ZNF804B: variants seen among roughly 807,000 people sequenced by gnomAD.
ZNF804B encodes the protein zinc finger protein 804B.
In ZNF804B, 80 loss-of-function variants were observed where a neutral mutation model predicts 101.4. The observed-to-expected ratio is 0.79, with a 90% CI of 0.66 to 0.95. ZNF804B has a LOEUF of 0.95. Among genes scored for constraint, ZNF804B ranks in the 40% least tolerant of loss-of-function variants. ZNF804B has a pLI of 0.00. For synonymous variants in ZNF804B, 622 were observed against 558.8 expected, an observed-to-expected ratio of 1.11 and a Z score of -1.59; for missense variants, 1,673 against 1,561.9, an observed-to-expected ratio of 1.07 and a Z score of -1.20.
intron 1 of ZNF804B, among the ~76,000 whole-genome samples, chr7:89,170,365 G>A (rs720142): frequency 0.17 from 26,065 of 152,118 alleles, 2,304 homozygotes; most frequent in Admixed American, 0.22. Flanking sequence ...CAGAAACTAC[G>A]GCCTTGTTCT....
intron 1 of ZNF804B, among the ~76,000 whole-genome samples, chr7:89,112,871 A>G (rs895760040): frequency 6.6e-6 from 1 of 152,226 alleles, no homozygotes; most frequent in Non-Finnish European, 1.5e-5. Flanking sequence ...TGAAGTGATG[A>G]TGATAAATTA....
intron 1 of ZNF804B, among the ~76,000 whole-genome samples, chr7:89,130,091 T>A (rs1790525451): frequency 6.6e-6 from 1 of 151,912 alleles, no homozygotes; most frequent in South Asian, 2.1e-4. Context: ...TATACAGAGA[T>A]TAGTGTCAAT....
intron 1 of ZNF804B, among the ~76,000 whole-genome samples, chr7:89,158,578 A>G (rs1236750790): frequency 1.4e-5 from 2 of 144,302 alleles, no homozygotes; most frequent in South Asian, 2.2e-4. Context: ...ACTGCCACCA[A>G]CTTAATGGAA....
At chr7:88,806,635 GTATGTGTGTGTA>G (rs1247900445) in intron 1 of ZNF804B, among the ~76,000 whole-genome samples, 1 of 151,256 alleles carries the variant, frequency 6.6e-6, no homozygotes, top group East Asian at 1.9e-4. Flanking sequence ...GTGTGTGTGT[GTATGTGTGTGTA>G]TGTGTGTGTG....
chr7:89,305,900 A>C (rs2115932386), intron 2 of ZNF804B, among the ~76,000 whole-genome samples: 1 of 152,126 alleles, frequency 6.6e-6, no homozygotes, highest in African/African-American at 2.4e-5. Context: ...TTATTCTGAT[A>C]CTTTGTAAAG....
At chr7:89,206,660 G>A (rs1788718811) in intron 1 of ZNF804B, among the ~76,000 whole-genome samples, 1 of 152,142 alleles carries the variant, frequency 6.6e-6, no homozygotes, top group Admixed American at 6.5e-5. Flanking sequence ...GCTGAGGCAG[G>A]AGAATTGCTT....
intron 2 of ZNF804B, among the ~76,000 whole-genome samples, chr7:89,303,285 C>T (rs111516891): frequency 6.6e-6 from 1 of 151,816 alleles, no homozygotes; most frequent in African/African-American, 2.4e-5. Flanking sequence ...TATTTCAAAG[C>T]TTTCATAGTT....
chr7:88,816,975 A>G (rs1167198044), intron 1 of ZNF804B, among the ~76,000 whole-genome samples: 2 of 150,858 alleles, frequency 1.3e-5, no homozygotes, highest in Admixed American at 1.3e-4. Flanking sequence ...AAGACTTGGA[A>G]CCAACCCAAA....
chr7:88,781,375 T>C (rs1299165058), intron 1 of ZNF804B, among the ~76,000 whole-genome samples: 3 of 152,152 alleles, frequency 2.0e-5, no homozygotes, highest in Admixed American at 2.0e-4. Flanking sequence ...GGCTTTGACT[T>C]GCTAAAACAT....
intron 1 of ZNF804B, among the ~76,000 whole-genome samples, chr7:89,214,066 A>G (rs746880783): frequency 2.0e-5 from 3 of 152,226 alleles, no homozygotes; most frequent in Non-Finnish European, 4.4e-5. Flanking sequence ...GAAAAAGTAC[A>G]TATTCTCTCC....
At chr7:89,155,664 C>T (rs911319042) in intron 1 of ZNF804B, among the ~76,000 whole-genome samples, 4 of 152,138 alleles carry the variant, frequency 2.6e-5, no homozygotes, top group Admixed American at 1.3e-4. Flanking sequence ...CACTCTGTCC[C>T]GCCTTGCAGT....
Position 88,854,533 on chromosome 7 carries a change from T to TCCCTTCCCTTCCCTTC in ZNF804B, c.108+94451_108+94452insCTTCCCTTCCCTTCCC, listed in dbSNP as rs1554340260. On this transcript the variant is annotated intron_variant, in intron 1 of 3. Coordinates refer to ENST00000333190, the MANE Select transcript of ZNF804B (RefSeq NM_181646.5). ...TTTCCTTTCCTTTCCTTCCTTTCCTTCCTTCCTTCCTTCCTTCCTTCCTTC... is the reference window on the plus strand; with the variant it reads ...TTTCCTTTCCTTTCCTTCCTTTCCTTCCCTTCCCTTCCCTTCCCTTCCTTCCTTCCTTCCTTCCTTC... Among the ~76,000 whole-genome samples, 12 of 78,194 alleles carry TCCCTTCCCTTCCCTTC rather than the reference T, an allele frequency of 1.5e-4. 1 individual carries two copies. The highest frequency in any genetic ancestry group is 5.2e-4 in the African/African-American group (9 of 17,152). The allele number at this position is 78,194 out of a possible 152,430, so 51.3% of individuals were successfully genotyped here. A position where few individuals can be genotyped will look rare whatever the true frequency, so the allele number is the denominator to read the frequency against.
chr7:88,879,913 C>A (rs575326657), intron 1 of ZNF804B, among the ~76,000 whole-genome samples: 5 of 152,146 alleles, frequency 3.3e-5, no homozygotes, highest in African/African-American at 1.2e-4. Flanking sequence ...GTGGCAGACA[C>A]CTGTATTCCG....
intron 1 of ZNF804B, among the ~76,000 whole-genome samples, chr7:89,196,719 C>G (rs893900076): frequency 2.6e-5 from 4 of 151,948 alleles, no homozygotes; most frequent in Non-Finnish European, 5.9e-5. Context: ...TTTTTGCAAT[C>G]TATCCATCCA....
At chr7:88,826,826 A>T (rs906733793) in intron 1 of ZNF804B, among the ~76,000 whole-genome samples, 1 of 152,150 alleles carries the variant, frequency 6.6e-6, no homozygotes, top group Non-Finnish European at 1.5e-5. Flanking sequence ...CCAGGATAAG[A>T]ACAATGCTAA....
chr7:89,220,173 A>G lies in ZNF804B; in HGVS notation c.249+1878A>G, dbSNP rs1220571088. ...TACATATATATATACGCACATATAT[A>G]TGTGTGTATATATATATATCCTTGG... On this transcript the variant is annotated intron_variant, in intron 2 of 3. Transcript: ENST00000333190. Among the ~76,000 whole-genome samples the G allele has an allele frequency of 1.8e-4, 16 of 88,456 alleles. 4 individuals carry two copies. The highest frequency in any genetic ancestry group is 1.6e-3 in the East Asian group (7 of 4,490). 58.0% of individuals were successfully genotyped at this position (88,456 alleles called of 152,430 possible).
At chr7:89,170,788 T>G (rs1455133906) in intron 1 of ZNF804B, among the ~76,000 whole-genome samples, 1 of 152,234 alleles carries the variant, frequency 6.6e-6, no homozygotes, top group Non-Finnish European at 1.5e-5. Flanking sequence ...CTTTCTCCCC[T>G]ACAGGTGCCA....
intron 1 of ZNF804B, among the ~76,000 whole-genome samples, chr7:88,997,861 T>C (rs1242657452): frequency 6.6e-6 from 1 of 152,134 alleles, no homozygotes; most frequent in Non-Finnish European, 1.5e-5. Context: ...ATTAAGTTGA[T>C]TGAAATCCTC....
chr7:88,835,595 C>A (rs769780795), intron 1 of ZNF804B, among the ~76,000 whole-genome samples: 1 of 151,692 alleles, frequency 6.6e-6, no homozygotes, highest in Non-Finnish European at 1.5e-5. Flanking sequence ...GCCATGAGTT[C>A]AAAATATAAT....
Sources: gnomAD v4.1 joint callset for allele counts (sites outside exome capture counted in the v4.1 genomes callset) on GRCh38, gnomAD v4.1.1 for gene constraint, MANE v1.5 for transcripts, NCBI Gene and HGNC (gene_info 2026-07-23, HGNC 2026-07-21) for gene names.